The following CDH4 variants were observed in gnomAD, a reference collection of about 807,000 sequenced individuals.
CDH4 encodes the protein cadherin-4.
CDH4 carries 33 observed loss-of-function variants against 86.0 expected under a neutral mutation model. The ratio of observed to expected loss-of-function variants is 0.38; its 90% CI spans 0.29 to 0.51. The LOEUF (loss-of-function observed/expected upper bound fraction) is 0.51, where lower values mean the gene tolerates loss of function less well. Among genes scored for constraint, CDH4 ranks in the 20% least tolerant of loss-of-function variants. The pLI is 0.86. For missense variants in CDH4, 1,114 were observed against 1,307.4 expected, an observed-to-expected ratio of 0.85 and a Z score of 2.28; for synonymous variants, 555 against 549.4, an observed-to-expected ratio of 1.01 and a Z score of -0.14.
intron 2 of CDH4, among the ~76,000 whole-genome samples, chr20:61,625,719 T>A (rs1364685475): frequency 1.3e-5 from 2 of 152,190 alleles, no homozygotes; most frequent in Non-Finnish European, 2.9e-5. Flanking sequence ...AAAATTAATG[T>A]CGTAACAGAC....
chr20:61,557,162 C>T (rs1025778391), intron 2 of CDH4, among the ~76,000 whole-genome samples: 5 of 152,144 alleles, frequency 3.3e-5, no homozygotes, highest in Admixed American at 6.5e-5. Context: ...GGAGTGGACA[C>T]GTTCTGTGAT....
intron 3 of CDH4, among the ~76,000 whole-genome samples, chr20:61,764,283 C>T (rs547326270): frequency 8.5e-5 from 13 of 152,332 alleles, no homozygotes; most frequent in Admixed American, 2.6e-4. Context: ...CCGTGAACCC[C>T]GGGGCCACCG....
chr20:61,721,294 T>C (rs535743838), intron 2 of CDH4, among the ~76,000 whole-genome samples: 12 of 152,328 alleles, frequency 7.9e-5, no homozygotes, highest in Non-Finnish European at 1.2e-4. Flanking sequence ...CAGCAGAAGC[T>C]GTAACTCACT....
intron 2 of CDH4, among the ~76,000 whole-genome samples, chr20:61,382,683 A>G (rs1013092527): frequency 6.6e-6 from 1 of 152,198 alleles, no homozygotes; most frequent in Non-Finnish European, 1.5e-5. Flanking sequence ...CACGTCTTCC[A>G]GCCTTGGGCG....
chr20:61,907,340 G>A (rs760076850), intron 8 of CDH4, among the ~76,000 whole-genome samples: 10 of 151,998 alleles, frequency 6.6e-5, no homozygotes, highest in Non-Finnish European at 1.3e-4. Flanking sequence ...GTGGTCCTCT[G>A]CCCGGGGCCT....
chr20:61,545,101 T>C (rs61168034), intron 2 of CDH4, among the ~76,000 whole-genome samples: 37,173 of 152,054 alleles, frequency 0.24, 4,736 homozygotes, highest in African/African-American at 0.33. Context: ...TCCAGGGTGC[T>C]TTCTGAGACC....
At chr20:61,524,618 G>C (rs558659335) in intron 2 of CDH4, among the ~76,000 whole-genome samples, 2 of 152,024 alleles carry the variant, frequency 1.3e-5, no homozygotes, top group East Asian at 3.9e-4. Flanking sequence ...CTGATTAACT[G>C]GGACTGCAGG....
chr20:61,372,064 T>C (rs879331583), intron 2 of CDH4, among the ~76,000 whole-genome samples: 2 of 152,202 alleles, frequency 1.3e-5, no homozygotes, highest in African/African-American at 2.4e-5. Flanking sequence ...TTCCATACTT[T>C]TGCTCCACAT....
chr20:61,570,777 C>A (rs2086336096), intron 2 of CDH4: 4 of 702,204 alleles, frequency 5.7e-6, no homozygotes, highest in Non-Finnish European at 1.0e-5. Flanking sequence ...GTGATGATGC[C>A]ACTGTAATAA....
At chr20:61,845,637 T>C (rs1056938724) in intron 5 of CDH4, among the ~76,000 whole-genome samples, 2 of 152,246 alleles carry the variant, frequency 1.3e-5, no homozygotes, top group African/African-American at 4.8e-5. Context: ...ATTGGGCAGA[T>C]GCTGTCGCCT....
In CDH4 at chr20:61,467,886, C is replaced by A. The variant is rs771140935; in HGVS notation, c.169+212949C>A. ...ACAGAGCTCACTGAAAGCTGTTATA[C>A]TCATGGTTACCATTTATTACAGGGA... On this transcript the variant is annotated intron_variant, in intron 2 of 15. Coordinates refer to ENST00000614565, the MANE Select transcript of CDH4 (RefSeq NM_001794.5). Among the ~76,000 whole-genome samples, 180 of 152,300 alleles carry A rather than the reference C, an allele frequency of 1.2e-3. 1 individual carries two copies. Among genetic ancestry groups the A allele is most frequent in the Middle Eastern group, 6.8e-3 (2 of 294 alleles).
rs919864870 is a variant in CDH4, at chr20:61,807,713, G to C, written c.576+34531G>C. 6.6e-6 allele frequency among the ~76,000 whole-genome samples: 1 copy of C among 152,226 alleles called. No individual in the cohort carries two copies. The highest frequency in any genetic ancestry group is 1.5e-5 in the Non-Finnish European group (1 of 68,034). On this transcript the variant is annotated intron_variant, in intron 4 of 15. Coordinates refer to ENST00000614565, the MANE Select transcript of CDH4 (RefSeq NM_001794.5). This position sits in a 1 kb window ranked among gnomAD's most constrained non-coding sequence, Gnocchi z 4.5. ...ACGGCTCTTCAGACTCAAACGGTGT[G>C]ATGAACAAACCGACTCGGAAAATGC... is the stretch of plus-strand genomic sequence containing the variant.
chr20:61,255,011 G>C (rs750865467), intron 2 of CDH4, 74 bp downstream of exon 2: 42 of 881,604 alleles, frequency 4.8e-5, no homozygotes, highest in Non-Finnish European at 8.1e-5. Context: ...AGATGGGAGA[G>C]GCAAGGCTTG....
intron 4 of CDH4, among the ~76,000 whole-genome samples, chr20:61,797,661 C>T (rs1979603368): frequency 1.3e-5 from 2 of 152,178 alleles, no homozygotes; most frequent in Admixed American, 1.3e-4. Flanking sequence ...GTGGGGCACA[C>T]CTGTAGTCCC....
At chr20:61,714,273 C>T (rs556764835) in intron 2 of CDH4, among the ~76,000 whole-genome samples, 1 of 152,174 alleles carries the variant, frequency 6.6e-6, no homozygotes, top group South Asian at 2.1e-4. Flanking sequence ...GTCTCCATCT[C>T]CTGACCTCAT....
intron 2 of CDH4, among the ~76,000 whole-genome samples, chr20:61,581,408 C>T (rs944599970): frequency 6.6e-6 from 1 of 152,154 alleles, no homozygotes; most frequent in Admixed American, 6.5e-5. Context: ...CTGGAGAATT[C>T]ATTTCCTCAC....
intron 2 of CDH4, among the ~76,000 whole-genome samples, chr20:61,554,882 T>G (rs762763393): frequency 6.4e-4 from 82 of 129,060 alleles, no homozygotes; most frequent in Admixed American, 1.1e-3. Flanking sequence ...CTGAGTAAGC[T>G]CACGTTTTAC....
chr20:61,914,536 G>A (rs896656757), intron 9 of CDH4, among the ~76,000 whole-genome samples: 3 of 152,048 alleles, frequency 2.0e-5, no homozygotes, highest in African/African-American at 7.3e-5. Flanking sequence ...AACGGAGATC[G>A]GTGCGGGCTC....
chr20:61,436,052 C>T (rs1032490957), intron 2 of CDH4, among the ~76,000 whole-genome samples: 2 of 152,140 alleles, frequency 1.3e-5, no homozygotes, highest in Non-Finnish European at 2.9e-5. Context: ...CTGGAGTGCC[C>T]TTTCCTAACC....
Sources: gnomAD v4.1 joint callset for allele counts (sites outside exome capture counted in the v4.1 genomes callset) on GRCh38, gnomAD v4.1.1 for gene constraint, Gnocchi (gnomAD v3.1) non-coding constraint, MANE v1.5 for transcripts, NCBI Gene and HGNC (gene_info 2026-07-23, HGNC 2026-07-21) for gene names.